CAPN2: variants seen among roughly 807,000 people sequenced by gnomAD.
CAPN2 encodes calpain-2 catalytic subunit.
CAPN2 carries 92 observed loss-of-function variants against 102.3 expected under a neutral mutation model. The observed-to-expected ratio is 0.90, with a 90% CI of 0.76 to 1.07. The LOEUF is 1.07. Ranked by LOEUF, CAPN2 falls within the 50% of genes least tolerant of loss-of-function variation. The pLI, the probability that CAPN2 is intolerant of heterozygous loss-of-function variation, is 0.00. For missense variants in CAPN2, 800 were observed against 909.4 expected, an observed-to-expected ratio of 0.88 and a Z score of 1.55; for synonymous variants, 340 against 355.4, an observed-to-expected ratio of 0.96 and a Z score of 0.49.
In CAPN2 at chr1:223,749,313, G is replaced by T. The variant is rs1660829627; in HGVS notation, c.813+191G>T. On this transcript the variant is annotated intron_variant, in intron 6 of 20. Transcript: ENST00000295006. Reference sequence around the variant, plus strand: ...GCAGCTCGGGCGCCGGGTGCGCCGCGCTGCCACCTGGTGGCCGCAGTGGCC... The same window carrying T: ...GCAGCTCGGGCGCCGGGTGCGCCGCTCTGCCACCTGGTGGCCGCAGTGGCC... The T allele has an allele frequency of 6.7e-6, 4 of 598,884 alleles. No homozygotes were observed. In the South Asian group the frequency reaches 8.1e-5, roughly 12 times the overall value. 37.1% of individuals were successfully genotyped at this position (598,884 alleles called of 1,614,324 possible). A position where few individuals can be genotyped will look rare whatever the true frequency, so the allele number is the denominator to read the frequency against.
chr1:223,722,575 T>C (rs1377699948), intron 2 of CAPN2, among the ~76,000 whole-genome samples: 2 of 151,946 alleles, frequency 1.3e-5, no homozygotes, highest in Non-Finnish European at 2.9e-5. Context: ...CAGGTGCGAG[T>C]CACCACACCT....
At chr1:223,773,073 A>G (rs1153946) in intron 20 of CAPN2, 46,414 of 152,200 alleles carry the variant, frequency 0.3, 10,279 homozygotes, top group African/African-American at 0.63. Flanking sequence ...GCTCTTTTCC[A>G]TGGATTTTGA....
chr1:223,747,581 A>T (rs1660779847), intron 5 of CAPN2, among the ~76,000 whole-genome samples: 2 of 152,204 alleles, frequency 1.3e-5, no homozygotes, highest in African/African-American at 4.8e-5. Flanking sequence ...TGCAGAGCAG[A>T]CAGTGGTTTG....
At chr1:223,769,932 G>A in intron 17 of CAPN2, 23 bp downstream of exon 17, 2 of 1,556,588 alleles carry the variant, frequency 1.3e-6, no homozygotes, top group Non-Finnish European at 1.8e-6. Context: ...AGATGCGGGT[G>A]GATCTGTGTT....
In CAPN2 at chr1:223,759,383, G is replaced by T; in HGVS notation, c.1431G>T (p.Leu477=). 1 of 1,614,208 alleles carries T rather than the reference G, an allele frequency of 6.2e-7. No individual in the cohort carries two copies. Among genetic ancestry groups the T allele is most frequent in the Middle Eastern group, 1.6e-4 (1 of 6,062 alleles). The change falls in exon 12 of 21, where the codon CTG becomes CTT. Residue 477 remains leucine, a synonymous_variant. Transcript: ENST00000295006. This position sits in a 1 kb window ranked among gnomAD's most constrained non-coding sequence, Gnocchi z 4.6. The part of the protein sequence containing the change: ...NLREVLNRFK[L]PPGEYILVPS... ...GGGAGGTGCTCAACCGCTTCAAGCT[G>T]CCGCCAGGAGAGTACATTCTCGTGC...
chr1:223,757,316 A>G (rs1359426677), intron 10 of CAPN2, 53 bp from the exon 11 acceptor site: 7 of 1,608,346 alleles, frequency 4.4e-6, no homozygotes, highest in South Asian at 1.1e-5. Context: ...ACAGTGATGC[A>G]TTTTCTTACA....
chr1:223,702,805 A>G (rs1223841775), intron 1 of CAPN2, among the ~76,000 whole-genome samples: 1 of 152,196 alleles, frequency 6.6e-6, no homozygotes, highest in Non-Finnish European at 1.5e-5. Flanking sequence ...AGGCAAAAAA[A>G]TCCACAAAGG....
At chr1:223,715,169 C>T (rs548186990) in intron 1 of CAPN2, among the ~76,000 whole-genome samples, 50 of 152,252 alleles carry the variant, frequency 3.3e-4, no homozygotes, top group African/African-American at 1.1e-3. Context: ...CAGTTGTTTC[C>T]GCTGGATTTG....
chr1:223,773,739 T>C (rs1026648345), intron 20 of CAPN2, among the ~76,000 whole-genome samples: 1 of 151,298 alleles, frequency 6.6e-6, no homozygotes, highest in African/African-American at 2.4e-5. Context: ...TGCCTGTAAA[T>C]ACGTTACTCT....
intron 20 of CAPN2, chr1:223,772,804 T>C (rs1237854473): frequency 6.6e-6 from 1 of 152,316 alleles, no homozygotes; most frequent in Admixed American, 6.5e-5. Flanking sequence ...ATTAAGTGGG[T>C]ATGCTAATTT....
chr1:223,720,765 TA>T (rs955549355), intron 2 of CAPN2, among the ~76,000 whole-genome samples: 6 of 151,520 alleles, frequency 4.0e-5, no homozygotes, highest in Middle Eastern at 3.4e-3. Flanking sequence ...ACTGTACAGA[TA>T]AAAAAAAACT....
chr1:223,742,521 T>A lies in CAPN2; in HGVS notation c.308-1579T>A, dbSNP rs1191575160. Among the ~76,000 whole-genome samples the A allele has an allele frequency of 8.2e-3, 820 of 99,854 alleles. 4 individuals are homozygous for A. The highest frequency in any genetic ancestry group is 0.036 in the African/African-American group (576 of 15,882). 65.5% of individuals were successfully genotyped at this position (99,854 alleles called of 152,430 possible). On this transcript the variant is annotated intron_variant, in intron 2 of 20. Transcript: ENST00000295006. ...GTGTATATATATATATATATATATT[T>A]TTTTTTTTTTTTTTGAGACAGGGTC...
intron 20 of CAPN2, among the ~76,000 whole-genome samples, chr1:223,773,416 G>C (rs28370172): frequency 0.12 from 17,624 of 152,110 alleles, 1,301 homozygotes; most frequent in East Asian, 0.21. Flanking sequence ...AATTAGGGCT[G>C]GGCGCGGTGG....
chr1:223,733,934 C>T (rs1423668372), intron 2 of CAPN2, among the ~76,000 whole-genome samples: 1 of 152,242 alleles, frequency 6.6e-6, no homozygotes, highest in Non-Finnish European at 1.5e-5. Context: ...AGAGAACTGA[C>T]AGCCCAGGGG....
chr1:223,701,843 C>A (rs75663507), intron 1 of CAPN2: 10,719 of 147,468 alleles, frequency 0.073, 951 homozygotes, highest in East Asian at 0.2. Context: ...TGAGTCAATA[C>A]TAAAAATACA....
chr1:223,770,332 C>T, intron 17 of CAPN2, 115 bp from the exon 18 acceptor site: 1 of 669,800 alleles, frequency 1.5e-6, no homozygotes, highest in Non-Finnish European at 2.7e-6. Context: ...TCTTCCACGG[C>T]CAAACTAGAG....
Position 223,764,188 on chromosome 1 carries a change from G to A in CAPN2, c.1671G>A (p.Leu557=), listed in dbSNP as rs756802317. The part of the protein sequence containing the change: ...EISAFELQTI[L]RRVLAKRQDI... ...CTGCCTTTGAGCTGCAGACCATCCT[G>A]AGAAGGGTTCTAGCAAAGCGTGAGT... Residue 557 remains leucine (L), a synonymous_variant, in exon 15 of 21, where the codon CTG becomes CTA. Coordinates refer to ENST00000295006, the MANE Select transcript of CAPN2 (RefSeq NM_001748.5). 2 of 1,613,936 alleles carry A rather than the reference G, an allele frequency of 1.2e-6. No individual in the cohort carries two copies. The highest frequency in any genetic ancestry group is 1.1e-5 in the South Asian group (1 of 91,074).
Position 223,759,191 on chromosome 1 carries a change from T to G in CAPN2, c.1318-79T>G. The G allele has an allele frequency of 7.3e-7, 1 of 1,365,976 alleles. No individual in the cohort carries two copies. The highest frequency in any genetic ancestry group is 1.0e-6 in the Non-Finnish European group (1 of 961,196). The allele number at this position is 1,365,976 out of a possible 1,614,324, so 84.6% of individuals were successfully genotyped here. On this transcript the variant is annotated intron_variant, in intron 11 of 20. Transcript: ENST00000295006. The surrounding 1 kb of genome is among the most constrained non-coding windows in gnomAD (Gnocchi z 4.6). ...TGAGCCACCACACTACCCAACTGCT[T>G]TTATCTCAGTGAATGAAAATGATAC... is the stretch of plus-strand genomic sequence containing the variant.
At chr1:223,765,528 AG>A (rs28370142) in intron 15 of CAPN2, among the ~76,000 whole-genome samples, 3,311 of 152,160 alleles carry the variant, frequency 0.022, 136 homozygotes, top group African/African-American at 0.075. Context: ...TGGGGCTGGG[AG>A]GTGGGGAAGA....
Sources: allele counts gnomAD v4.1 joint callset (sites outside exome capture counted in the v4.1 genomes callset), GRCh38; gene constraint gnomAD v4.1.1; non-coding constraint Gnocchi (gnomAD v3.1); transcripts MANE v1.5; gene names NCBI Gene and HGNC (gene_info 2026-07-23, HGNC 2026-07-21).